The following TRAF6 variants were observed in gnomAD, a reference collection of about 807,000 sequenced individuals.
The protein encoded by TRAF6 is TNF receptor associated factor 6.
A neutral mutation model predicts 48.4 loss-of-function variants in TRAF6; 10 were observed. The ratio of observed to expected loss-of-function variants is 0.21; its 90% CI spans 0.13 to 0.35. TRAF6 has a LOEUF of 0.35. Among genes scored for constraint, TRAF6 ranks in the 10% least tolerant of loss-of-function variants. The pLI is 1.00. For missense variants in TRAF6, 397 were observed against 661.0 expected (o/e 0.60, Z 4.38); for synonymous variants, 186 against 219.6 (o/e 0.85, Z 1.35).
chr11:36,504,389 G>A (rs1259450013), intron 1 of TRAF6, among the ~76,000 whole-genome samples: 5 of 152,174 alleles, frequency 3.3e-5, no homozygotes, highest in Admixed American at 6.5e-5. Flanking sequence ...CTCACCAGGA[G>A]TTGATTCCAT....
rs369289378 is a variant in TRAF6, at chr11:36,501,547, T to A, written c.-22-10A>T. On this transcript the variant is annotated splice_polypyrimidine_tract_variant and intron_variant, in intron 1 of 6. Coordinates refer to ENST00000526995, the MANE Select transcript of TRAF6 (RefSeq NM_004620.4). Reference sequence around the variant, plus strand: ...TTGATTATCACTTGCTCTGTAGAAATAGCAAGAAAAAAATGCCTTTATAAG... The same window carrying A: ...TTGATTATCACTTGCTCTGTAGAAAAAGCAAGAAAAAAATGCCTTTATAAG... 21 of 1,544,718 alleles carry A rather than the reference T, an allele frequency of 1.4e-5. No individual in the cohort carries two copies. The Admixed American group carries it at 1.8e-4, about 13-fold the overall frequency.
chr11:36,493,890 T>C (rs1043226232), intron 5 of TRAF6, among the ~76,000 whole-genome samples: 1 of 152,220 alleles, frequency 6.6e-6, no homozygotes, highest in African/African-American at 2.4e-5. Flanking sequence ...GTTAACAAAC[T>C]TGTCCAGTGA....
Position 36,489,651 on chromosome 11 carries a change from G to A in TRAF6, c.*187C>T. ...ATTTCTGAAAAAGCATGGAACGTGTGGATTCCCAGGAAAAAACTGCCTCAG... is the reference window on the plus strand; with the variant it reads ...ATTTCTGAAAAAGCATGGAACGTGTAGATTCCCAGGAAAAAACTGCCTCAG... On this transcript the variant is annotated 3_prime_UTR_variant, in exon 7 of 7. Transcript: ENST00000526995. 1.5e-6 allele frequency: 1 copy of A among 667,342 alleles called. No homozygotes were observed. The highest frequency in any genetic ancestry group is 2.1e-5 in the South Asian group (1 of 48,012). 41.3% of individuals were successfully genotyped at this position (667,342 alleles called of 1,614,324 possible).
chr11:36,484,902 T>C lies in TRAF6; in HGVS notation c.*4936A>G, dbSNP rs1469971605. The stretch of plus-strand genomic sequence containing the variant: ...CCCCTTCAGGCAAAATAAATAAGAC[T>C]GAAATTCAGCATAACAAATTTGCAA... On this transcript the variant is annotated 3_prime_UTR_variant, in exon 7 of 7. Transcript: ENST00000526995. 2.0e-5 allele frequency among the ~76,000 whole-genome samples: 3 copies of C among 152,206 alleles called. No individual in the cohort carries two copies. Among genetic ancestry groups the C allele is most frequent in the Non-Finnish European group, 2.9e-5 (2 of 68,036 alleles).
Position 36,490,083 on chromosome 11 carries a change from C to G in TRAF6, c.1324G>C (p.Val442Leu), listed in dbSNP as rs776102924. The G allele has an allele frequency of 1.9e-6, 3 of 1,614,206 alleles. No homozygotes were observed. In the South Asian group the frequency reaches 3.3e-5, roughly 18 times the overall value. ...LTILDQSEAP[V>L]RQNHEEIMDA... is the part of the protein sequence containing the mutation. ...ATTATCTCTTCGTGGTTTTGCCTTA[C>G]AGGTGCTTCAGACTGATCAAGAATT... The change falls in exon 7 of 7, where the codon GTA becomes CTA. Residue 442 changes from valine (V) to leucine (L), a missense_variant. Coordinates refer to ENST00000526995, the MANE Select transcript of TRAF6 (RefSeq NM_004620.4). The surrounding 1 kb of genome is among the most constrained non-coding windows in gnomAD (Gnocchi z 6.4).
chr11:36,501,046 A>G (rs1299821882), intron 2 of TRAF6, among the ~76,000 whole-genome samples, 174 bp downstream of exon 2: 12 of 152,190 alleles, frequency 7.9e-5, no homozygotes, highest in African/African-American at 2.7e-4. Context: ...CTTTTCACAC[A>G]ACAGTGGAAA....
intron 4 of TRAF6, chr11:36,496,609 TTTTAAA>T (rs1171572307): frequency 6.5e-6 from 1 of 152,986 alleles, no homozygotes; most frequent in African/African-American, 2.4e-5. Context: ...AAGGATAAAC[TTTTAAA>T]TTTAACATAC....
chr11:36,508,823 CTATT>C (rs958495224), intron 1 of TRAF6, among the ~76,000 whole-genome samples: 28 of 152,174 alleles, frequency 1.8e-4, no homozygotes, highest in African/African-American at 5.6e-4. Flanking sequence ...TTCCTGGGCA[CTATT>C]TACTCTGCTC....
chr11:36,494,190 C>T (rs1034178554), intron 5 of TRAF6, among the ~76,000 whole-genome samples: 1 of 151,976 alleles, frequency 6.6e-6, no homozygotes, highest in African/African-American at 2.4e-5. Flanking sequence ...TATAACAAGA[C>T]CCCGTTTCTA....
Position 36,490,669 on chromosome 11 carries a change from C to T in TRAF6, c.757-19G>A, listed in dbSNP as rs1312376465. 6.3e-7 allele frequency: 1 copy of T among 1,594,352 alleles called. No homozygotes were observed. Among genetic ancestry groups the T allele is most frequent in the African/African-American group, 1.3e-5 (1 of 74,302 alleles). ...TCTGCATCTAAAAATCAAGCACAAGCCTTAGGCTGGGAATAGATACCGTGA... is the reference window on the plus strand; with the variant it reads ...TCTGCATCTAAAAATCAAGCACAAGTCTTAGGCTGGGAATAGATACCGTGA... On this transcript the variant is annotated intron_variant, in intron 6 of 6. Coordinates refer to ENST00000526995, the MANE Select transcript of TRAF6 (RefSeq NM_004620.4). This position sits in a 1 kb window ranked among gnomAD's most constrained non-coding sequence, Gnocchi z 6.4.
intron 4 of TRAF6, 38 bp from the exon 5 acceptor site, chr11:36,495,085 A>C (rs749286722): frequency 1.4e-6 from 2 of 1,474,644 alleles, no homozygotes; most frequent in Non-Finnish European, 1.9e-6. Context: ...AAGCATGAGA[A>C]TATCTGAAAA....
chr11:36,485,990 T>C lies in TRAF6; in HGVS notation c.*3848A>G, dbSNP rs1859478094. On this transcript the variant is annotated 3_prime_UTR_variant, in exon 7 of 7. Coordinates refer to ENST00000526995, the MANE Select transcript of TRAF6 (RefSeq NM_004620.4). ...GGCTCCTTTTCATTTCCTTAAGGCA[T>C]TGCACTGTTTAGGTTGTAAGCAACT... 6.6e-6 allele frequency among the ~76,000 whole-genome samples: 1 copy of C among 152,158 alleles called. No individual in the cohort carries two copies.
At chr11:36,505,167 G>A (rs1375118309) in intron 1 of TRAF6, among the ~76,000 whole-genome samples, 3 of 152,148 alleles carry the variant, frequency 2.0e-5, no homozygotes, top group Non-Finnish European at 4.4e-5. Context: ...TCATCAGCCT[G>A]TCCTTTAAAA....
Position 36,501,516 on chromosome 11 carries a change from A to G in TRAF6, c.-1T>C. 6.3e-7 allele frequency: 1 copy of G among 1,594,832 alleles called. No individual in the cohort carries two copies. The highest frequency in any genetic ancestry group is 8.6e-7 in the Non-Finnish European group (1 of 1,167,974). ...TGTTTTCACAGTTTAGCAGACTCAT[A>G]GTAACTTGATTATCACTTGCTCTGT... On this transcript the variant is annotated 5_prime_UTR_variant, in exon 2 of 7. Transcript: ENST00000526995.
rs1467423809 is a variant in TRAF6 at position 36,488,442 on chromosome 11, G to A, written c.*1396C>T. 1 of 152,960 alleles carries A rather than the reference G, an allele frequency of 6.5e-6. No individual in the cohort carries two copies. Among genetic ancestry groups the A allele is most frequent in the Non-Finnish European group, 1.5e-5 (1 of 68,066 alleles). 9.5% of individuals were successfully genotyped at this position (152,960 alleles called of 1,614,324 possible). ...TTAAGGCTGATCTAGAACGCTGGCT[G>A]GCGACTCTGATTTGGCCTCTCTGGG... On this transcript the variant is annotated 3_prime_UTR_variant, in exon 7 of 7. Transcript: ENST00000526995.
chr11:36,499,401 T>G (rs1275107832), intron 2 of TRAF6, among the ~76,000 whole-genome samples: 1 of 152,062 alleles, frequency 6.6e-6, no homozygotes, highest in Non-Finnish European at 1.5e-5. Context: ...TTTAAAAAGC[T>G]TACAGGGAGA....
intron 1 of TRAF6, among the ~76,000 whole-genome samples, chr11:36,505,160 T>C (rs530422205): frequency 6.6e-6 from 1 of 152,282 alleles, no homozygotes; most frequent in South Asian, 2.1e-4. Flanking sequence ...AAAAACGTCA[T>C]CAGCCTGTCC....
Position 36,484,039 on chromosome 11 carries a change from G to T in TRAF6, c.*5799C>A, listed in dbSNP as rs1177758864. The stretch of plus-strand genomic sequence containing the variant: ...CACATTCACAACCTGGGTTGAGAAA[G>T]GTCACACTTCTCTACTTACTAAAAT... On this transcript the variant is annotated 3_prime_UTR_variant, in exon 7 of 7. Transcript: ENST00000526995. Among the ~76,000 whole-genome samples, 1 of 152,150 alleles carries T rather than the reference G, an allele frequency of 6.6e-6. No individual in the cohort carries two copies.
chr11:36,501,074 C>A, intron 2 of TRAF6, 146 bp downstream of exon 2: 1 of 806,324 alleles, frequency 1.2e-6, no homozygotes. Context: ...AAGAATCTAA[C>A]TTTCTCAATT....
Sources: allele counts gnomAD v4.1 joint callset (sites outside exome capture counted in the v4.1 genomes callset), GRCh38; gene constraint gnomAD v4.1.1; non-coding constraint Gnocchi (gnomAD v3.1); transcripts MANE v1.5; gene names NCBI Gene and HGNC (gene_info 2026-07-23, HGNC 2026-07-21).